The following PCDH15 variants were observed in gnomAD, a reference collection of about 807,000 sequenced individuals.
PCDH15 encodes the protein protocadherin-15.
In PCDH15, 129 loss-of-function variants were observed where a neutral mutation model predicts 178.5. The observed-to-expected ratio is 0.72, with a 90% CI of 0.63 to 0.84. The LOEUF is 0.84. Ranked by LOEUF, PCDH15 falls within the 40% of genes least tolerant of loss-of-function variation. PCDH15 has a pLI of 0.00. For synonymous variants in PCDH15, 800 were observed against 732.0 expected, an observed-to-expected ratio of 1.09 and a Z score of -1.50; for missense variants, 2,230 against 2,099.9, an observed-to-expected ratio of 1.06 and a Z score of -1.21.
At chr10:54,245,845 C>T (rs1055966555) in intron 8 of PCDH15, among the ~76,000 whole-genome samples, 3 of 151,838 alleles carry the variant, frequency 2.0e-5, no homozygotes, top group Admixed American at 2.0e-4. Context: ...GAGATATGCT[C>T]GGAGATGTGT....
intron 3 of PCDH15, among the ~76,000 whole-genome samples, chr10:54,810,882 C>T (rs1591714411): frequency 6.6e-6 from 1 of 151,996 alleles, no homozygotes; most frequent in Admixed American, 6.6e-5. Context: ...TATGGATGAA[C>T]TTCTACCTTA....
intron 2 of PCDH15, among the ~76,000 whole-genome samples, chr10:55,470,295 G>A (rs1030128500): frequency 6.6e-6 from 1 of 151,624 alleles, no homozygotes; most frequent in Non-Finnish European, 1.5e-5. Context: ...GCTGTGAGTC[G>A]AGATGGTGCC....
At chr10:54,049,286 T>C (rs189376973) in intron 18 of PCDH15, among the ~76,000 whole-genome samples, 74 of 152,318 alleles carry the variant, frequency 4.9e-4, no homozygotes, top group African/African-American at 1.8e-3. Context: ...TTTAGGGTTT[T>C]CTAGGTATAG....
At chr10:55,588,228 A>G (rs1360740759) in intron 2 of PCDH15, among the ~76,000 whole-genome samples, 2 of 152,328 alleles carry the variant, frequency 1.3e-5, no homozygotes, top group Non-Finnish European at 1.5e-5. Flanking sequence ...TGGCAAAGAC[A>G]GCAATAAGGA....
At chr10:54,129,112 T>C (rs921597448) in intron 15 of PCDH15, among the ~76,000 whole-genome samples, 1 of 152,182 alleles carries the variant, frequency 6.6e-6, no homozygotes, top group Non-Finnish European at 1.5e-5. Flanking sequence ...ATTTTCCCGA[T>C]AATAATGATA....
At chr10:54,718,442 G>GATGTAA (rs1362403524) in intron 1 of PCDH15, among the ~76,000 whole-genome samples, 3 of 151,946 alleles carry the variant, frequency 2.0e-5, no homozygotes, top group Non-Finnish European at 4.4e-5. Flanking sequence ...TCATACAAAG[G>GATGTAA]CTATATGTAA....
chr10:53,866,610 T>A, intron 27 of PCDH15, 32 bp downstream of exon 27: 1 of 1,543,134 alleles, frequency 6.5e-7, no homozygotes, highest in Non-Finnish European at 9.0e-7. Context: ...GTATCGTAGC[T>A]ACTTCCCTTT....
intron 13 of PCDH15, among the ~76,000 whole-genome samples, chr10:54,169,342 A>T (rs1373283684): frequency 1.0e-5 from 1 of 96,234 alleles, no homozygotes; most frequent in Admixed American, 1.1e-4. Context: ...GAGGCTACCC[A>T]CTCCACATTA....
intron 3 of PCDH15, among the ~76,000 whole-genome samples, chr10:54,463,793 C>T (rs556501084): frequency 2.0e-5 from 3 of 151,446 alleles, no homozygotes; most frequent in African/African-American, 7.3e-5. Context: ...GATTCCAAAG[C>T]GGTAGTAGGG....
intron 15 of PCDH15, among the ~76,000 whole-genome samples, chr10:54,119,004 C>T (rs181651254): frequency 6.6e-6 from 1 of 152,146 alleles, no homozygotes; most frequent in Admixed American, 6.5e-5. Context: ...AAATATCCCA[C>T]CTGCATGAAA....
chr10:55,366,069 T>A (rs1047203028), intron 2 of PCDH15: 5 of 152,156 alleles, frequency 3.3e-5, no homozygotes. Context: ...AGATCATTTG[T>A]ACTTTAAATA....
At chr10:55,467,144 A>G (rs1839847449) in intron 2 of PCDH15, among the ~76,000 whole-genome samples, 1 of 152,244 alleles carries the variant, frequency 6.6e-6, no homozygotes, top group African/African-American at 2.4e-5. Flanking sequence ...ATTCAATAAA[A>G]GAATGAATCT....
At chr10:55,157,436 C>T (rs1219599646) in intron 2 of PCDH15, among the ~76,000 whole-genome samples, 1 of 147,890 alleles carries the variant, frequency 6.8e-6, no homozygotes. Flanking sequence ...ACCATTTGAC[C>T]CAGCCATCCC....
rs564771120 is a variant in PCDH15 at position 54,332,378 on chromosome 10, T to A, written c.595-2672A>T. ...AATATAATCTATATTATATATATAA[T>A]ATATATATAGTAAATTTTCTGCAGC... On this transcript the variant is annotated intron_variant, in intron 6 of 37. Coordinates refer to ENST00000644397, the MANE Select transcript of PCDH15 (RefSeq NM_001384140.1). Among the ~76,000 whole-genome samples the A allele has an allele frequency of 4.4e-3, 157 of 35,744 alleles. 29 individuals carry two copies. The highest frequency in any genetic ancestry group is 0.016 in the African/African-American group (142 of 9,036). 23.4% of individuals were successfully genotyped at this position (35,744 alleles called of 152,430 possible). A position where few individuals can be genotyped will look rare whatever the true frequency, so the allele number is the denominator to read the frequency against.
chr10:54,706,202 G>C (rs2095363228), intron 1 of PCDH15, among the ~76,000 whole-genome samples: 1 of 152,148 alleles, frequency 6.6e-6, no homozygotes, highest in African/African-American at 2.4e-5. Flanking sequence ...TAGTTTTCAT[G>C]ATAGTATGGC....
At chr10:54,855,252 C>A (rs2131773325) in intron 3 of PCDH15, among the ~76,000 whole-genome samples, 1 of 152,284 alleles carries the variant, frequency 6.6e-6, no homozygotes, top group South Asian at 2.1e-4. Context: ...GGTGCAGGAG[C>A]AGGAGACCCA....
intron 21 of PCDH15, among the ~76,000 whole-genome samples, chr10:53,983,644 G>T (rs1310587711): frequency 2.0e-5 from 3 of 152,050 alleles, no homozygotes; most frequent in Admixed American, 6.6e-5. Context: ...GCTTTTCAAA[G>T]GTAAACGTAA....
At chr10:54,400,276 G>C (rs1951770337) in intron 3 of PCDH15, among the ~76,000 whole-genome samples, 1 of 152,044 alleles carries the variant, frequency 6.6e-6, no homozygotes, top group African/African-American at 2.4e-5. Context: ...AACATAAAAT[G>C]GACTAAGTTG....
rs146076449 is a variant in PCDH15, at chr10:55,371,832, C to T, written c.-155-205181G>A. On this transcript the variant is annotated intron_variant, in intron 2 of 5. Transcript: ENST00000613346. The stretch of plus-strand genomic sequence containing the variant: ...ACAAACAGATATGTAGTTTTCAATC[C>T]AAATAAATGGAAAAAAATTTAATCA... 3.7e-3 allele frequency among the ~76,000 whole-genome samples: 566 copies of T among 152,020 alleles called. 4 individuals are homozygous for T. Among genetic ancestry groups the T allele is most frequent in the African/African-American group, 0.011 (470 of 41,488 alleles).
Sources: allele counts gnomAD v4.1 joint callset (sites outside exome capture counted in the v4.1 genomes callset), GRCh38; gene constraint gnomAD v4.1.1; transcripts MANE v1.5; gene names NCBI Gene and HGNC (gene_info 2026-07-23, HGNC 2026-07-21).